KCNH8: variants seen among roughly 807,000 people sequenced by gnomAD.
The protein encoded by KCNH8 is potassium voltage-gated channel subfamily H member 8.
A neutral mutation model predicts 103.6 loss-of-function variants in KCNH8; 70 were observed. The ratio of observed to expected loss-of-function variants is 0.68; its 90% CI spans 0.56 to 0.82. KCNH8 has a LOEUF of 0.82. Ranked by LOEUF, KCNH8 falls within the 40% of genes least tolerant of loss-of-function variation. The pLI is 0.00. For missense variants in KCNH8, 1,217 were observed against 1,329.9 expected (o/e 0.92, Z 1.32); for synonymous variants, 498 against 489.4 (o/e 1.02, Z -0.23).
At chr3:19,494,587 ACATT>A (rs1219106567) in intron 11 of KCNH8, among the ~76,000 whole-genome samples, 6 of 152,022 alleles carry the variant, frequency 3.9e-5, no homozygotes, top group Non-Finnish European at 8.8e-5. Context: ...ATGAACTAAT[ACATT>A]CAGTCTTCTA....
chr3:19,286,782 A>C, intron 3 of KCNH8, among the ~76,000 whole-genome samples: 1 of 152,198 alleles, frequency 6.6e-6, no homozygotes, highest in Non-Finnish European at 1.5e-5. Flanking sequence ...ATACATGTTT[A>C]GTTGAAATGA....
intron 7 of KCNH8, among the ~76,000 whole-genome samples, chr3:19,396,549 T>A (rs2066521507): frequency 6.6e-6 from 1 of 152,062 alleles, no homozygotes; most frequent in South Asian, 2.1e-4. Flanking sequence ...AAGCACTTTT[T>A]AAATGTCTTG....
chr3:19,418,382 C>G (rs530183674), intron 7 of KCNH8, among the ~76,000 whole-genome samples: 35 of 152,280 alleles, frequency 2.3e-4, no homozygotes, highest in Middle Eastern at 3.4e-3. Flanking sequence ...GAATGCAAGT[C>G]TCATCTGAAA....
intron 3 of KCNH8, among the ~76,000 whole-genome samples, chr3:19,311,152 C>T (rs1195268571): frequency 6.6e-6 from 1 of 151,704 alleles, no homozygotes; most frequent in African/African-American, 2.4e-5. Flanking sequence ...TTTTACAGTC[C>T]TTATATTTGC....
intron 11 of KCNH8, among the ~76,000 whole-genome samples, chr3:19,496,705 T>C (rs1396015540): frequency 6.6e-6 from 1 of 152,194 alleles, no homozygotes; most frequent in Non-Finnish European, 1.5e-5. Flanking sequence ...ACTGGCCTCA[T>C]AAAATGAGTT....
chr3:19,367,654 A>G (rs576579842), intron 5 of KCNH8, among the ~76,000 whole-genome samples: 57 of 151,958 alleles, frequency 3.8e-4, no homozygotes, highest in African/African-American at 1.3e-3. Context: ...TCAGATAAAC[A>G]AAATATAACA....
chr3:19,381,956 TG>T (rs1293589169), intron 5 of KCNH8, among the ~76,000 whole-genome samples: 1 of 152,188 alleles, frequency 6.6e-6, no homozygotes, highest in Non-Finnish European at 1.5e-5. Context: ...TGAAAGTTAA[TG>T]GCTAGACAGG....
intron 1 of KCNH8, among the ~76,000 whole-genome samples, chr3:19,246,274 GTTT>G (rs920423108): frequency 1.2e-5 from 1 of 86,350 alleles, no homozygotes; most frequent in Non-Finnish European, 2.2e-5. Context: ...TGTTGTTGTT[GTTT>G]TTTTTTTTTT....
At chr3:19,451,064 C>A in intron 9 of KCNH8, 91 bp from the exon 10 acceptor site, 3 of 1,243,536 alleles carry the variant, frequency 2.4e-6, no homozygotes, top group South Asian at 1.3e-5. Context: ...CAGCAGGAGA[C>A]AGTAGGAAGA....
intron 2 of KCNH8, among the ~76,000 whole-genome samples, chr3:19,266,804 A>G (rs1162704677): frequency 6.6e-6 from 1 of 152,154 alleles, no homozygotes; most frequent in Non-Finnish European, 1.5e-5. Context: ...TTTCAACTTT[A>G]TGGTTACCTT....
intron 12 of KCNH8, among the ~76,000 whole-genome samples, chr3:19,512,391 T>C (rs1156537695): frequency 1.3e-5 from 2 of 152,200 alleles, no homozygotes; most frequent in Non-Finnish European, 2.9e-5. Context: ...TTGCTTCTTT[T>C]CTTGCTAGTG....
At chr3:19,247,773 G>T (rs896328544) in intron 1 of KCNH8, among the ~76,000 whole-genome samples, 1 of 152,176 alleles carries the variant, frequency 6.6e-6, no homozygotes, top group Non-Finnish European at 1.5e-5. Flanking sequence ...TCTGTATGAT[G>T]CCAAGTCAGT....
At chr3:19,227,441 A>G (rs2063944711) in intron 1 of KCNH8, among the ~76,000 whole-genome samples, 1 of 152,198 alleles carries the variant, frequency 6.6e-6, no homozygotes, top group African/African-American at 2.4e-5. Context: ...TTGAAGATCA[A>G]CATATACAAG....
intron 5 of KCNH8, among the ~76,000 whole-genome samples, chr3:19,349,992 T>C (rs12635054): frequency 1.3e-5 from 2 of 151,784 alleles, no homozygotes; most frequent in Non-Finnish European, 2.9e-5. Flanking sequence ...CAAGCAGTTC[T>C]AGTGTGACTC....
rs758290557 is a variant in KCNH8 at position 19,451,358 on chromosome 3, G to A, written c.1779G>A (p.Ser593=). 15 of 1,613,508 alleles carry A rather than the reference G, an allele frequency of 9.3e-6. No homozygotes were observed. Among genetic ancestry groups the A allele is most frequent in the African/African-American group, 2.7e-5 (2 of 74,832 alleles). Residue 593 remains serine, a synonymous_variant, in exon 10 of 16, where the codon TCG becomes TCA. Transcript: ENST00000328405. ...TGCAGGCCATCTACTTTGTATGCTC[G>A]GGCTCCATGGAAGTTCTTAAAGACA... ...DALQAIYFVC[S]GSMEVLKDSM...
At chr3:19,504,993 A>AT (rs1189691387) in intron 11 of KCNH8, among the ~76,000 whole-genome samples, 1 of 151,202 alleles carries the variant, frequency 6.6e-6, no homozygotes, top group Non-Finnish European at 1.5e-5. Context: ...ACACATATAT[A>AT]TATCTCTCTC....
chr3:19,479,889 CAT>C (rs1288218115), intron 11 of KCNH8, among the ~76,000 whole-genome samples: 5 of 152,158 alleles, frequency 3.3e-5, no homozygotes, highest in South Asian at 4.1e-4. Flanking sequence ...AATGGGAACA[CAT>C]GTTCCTCCAA....
intron 7 of KCNH8, among the ~76,000 whole-genome samples, chr3:19,401,415 G>T (rs766409872): frequency 6.6e-6 from 1 of 152,064 alleles, no homozygotes; most frequent in African/African-American, 2.4e-5. Flanking sequence ...ATGGACAAAG[G>T]AGGTCTATCT....
chr3:19,432,588 T>G (rs2067139397), intron 7 of KCNH8, among the ~76,000 whole-genome samples: 1 of 152,170 alleles, frequency 6.6e-6, no homozygotes, highest in Non-Finnish European at 1.5e-5. Flanking sequence ...TACTTTCAGT[T>G]AAAAAATTCT....
Sources: allele counts gnomAD v4.1 joint callset (sites outside exome capture counted in the v4.1 genomes callset), GRCh38; gene constraint gnomAD v4.1.1; transcripts MANE v1.5; gene names NCBI Gene and HGNC (gene_info 2026-07-23, HGNC 2026-07-21).